IQCM: variants seen among roughly 807,000 people sequenced by gnomAD.
IQCM encodes the protein IQ motif containing M.
IQCM carries 45 observed loss-of-function variants against 57.6 expected under a neutral mutation model. That is an observed-to-expected ratio of 0.78 (90% confidence interval 0.62 to 1.00). The LOEUF is 1.00. Ranked by LOEUF, IQCM falls within the 50% of genes least tolerant of loss-of-function variation. The probability of loss-of-function intolerance (pLI) is 0.00; values close to 1 mark genes in which losing one functional copy is unlikely to be tolerated. For synonymous variants in IQCM, 148 were observed against 158.9 expected (o/e 0.93, Z 0.51); for missense variants, 468 against 511.6 (o/e 0.91, Z 0.82).
chr4:149,469,807 G>A (rs1030024725), intron 12 of IQCM, among the ~76,000 whole-genome samples: 1 of 152,192 alleles, frequency 6.6e-6, no homozygotes, highest in Non-Finnish European at 1.5e-5. Context: ...GAAGAGAGTG[G>A]AGACCAATAT....
At chr4:149,668,888 A>G (rs1228656090) in intron 7 of IQCM, among the ~76,000 whole-genome samples, 2 of 152,138 alleles carry the variant, frequency 1.3e-5, no homozygotes, top group Non-Finnish European at 2.9e-5. Context: ...CTCCAAAGAG[A>G]AAGAGGAGAA....
chr4:149,672,024 C>T (rs983720952), intron 7 of IQCM, among the ~76,000 whole-genome samples: 1 of 152,080 alleles, frequency 6.6e-6, no homozygotes, highest in African/African-American at 2.4e-5. Flanking sequence ...TAGAGTGGAC[C>T]TCCAGCAAAC....
chr4:149,690,321 G>T (rs1762854907), intron 5 of IQCM, among the ~76,000 whole-genome samples: 1 of 151,942 alleles, frequency 6.6e-6, no homozygotes, highest in Non-Finnish European at 1.5e-5. Flanking sequence ...AGTAACTCAG[G>T]AATGGAAAAC....
chr4:149,432,726 A>G (rs966598477), intron 13 of IQCM, among the ~76,000 whole-genome samples: 1 of 152,008 alleles, frequency 6.6e-6, no homozygotes, highest in Admixed American at 6.6e-5. Context: ...ATATTCACAA[A>G]GCATATATAG....
At chr4:149,763,356 T>C (rs1277616132) in intron 2 of IQCM, among the ~76,000 whole-genome samples, 1 of 152,024 alleles carries the variant, frequency 6.6e-6, no homozygotes, top group African/African-American at 2.4e-5. Flanking sequence ...CAGAGTATTA[T>C]TTTTTTGCAT....
chr4:149,613,407 A>T (rs1579701924), intron 8 of IQCM, among the ~76,000 whole-genome samples: 1 of 152,074 alleles, frequency 6.6e-6, no homozygotes, highest in Admixed American at 6.6e-5. Context: ...GAAGAAGAAA[A>T]TCTCCTTCGA....
intron 2 of IQCM, among the ~76,000 whole-genome samples, chr4:149,752,799 G>T (rs1291262641): frequency 3.3e-5 from 5 of 152,144 alleles, no homozygotes; most frequent in African/African-American, 1.2e-4. Flanking sequence ...TCACAGCGAG[G>T]CTCTGCTAAA....
At chr4:149,610,337 A>G (rs1006555921) in intron 8 of IQCM, among the ~76,000 whole-genome samples, 16 of 152,048 alleles carry the variant, frequency 1.1e-4, no homozygotes, top group Non-Finnish European at 1.6e-4. Context: ...AAACATATCA[A>G]AATACCAATG....
chr4:149,453,091 A>G (rs1479750758), intron 12 of IQCM, among the ~76,000 whole-genome samples: 1 of 151,634 alleles, frequency 6.6e-6, no homozygotes, highest in Non-Finnish European at 1.5e-5. Context: ...AGGAAAGAAG[A>G]AACAATTAGA....
chr4:149,565,069 T>C lies in IQCM; in HGVS notation c.750-1179A>G, dbSNP rs58665417. 2.2e-3 allele frequency among the ~76,000 whole-genome samples: 335 copies of C among 152,182 alleles called. 1 individual carries two copies. The highest frequency in any genetic ancestry group is 7.6e-3 in the African/African-American group (315 of 41,540). ...TGCAATTTTTGGCATATAAAAATGC[T>C]TTCTTCTTCTTAATGTTTTTATTTC... is the stretch of plus-strand genomic sequence containing the variant. On this transcript the variant is annotated intron_variant, in intron 9 of 13. Coordinates refer to ENST00000636793, the MANE Select transcript of IQCM (RefSeq NM_001363507.2).
At chr4:149,727,207 T>G (rs939007707) in intron 5 of IQCM, among the ~76,000 whole-genome samples, 4 of 152,200 alleles carry the variant, frequency 2.6e-5, no homozygotes, top group African/African-American at 9.7e-5. Context: ...CTGCACTTAC[T>G]TATAATGGAC....
At chr4:149,674,630 A>G (rs1761593611) in intron 7 of IQCM, among the ~76,000 whole-genome samples, 1 of 151,796 alleles carries the variant, frequency 6.6e-6, no homozygotes, top group African/African-American at 2.4e-5. Flanking sequence ...TCTCCAAAGA[A>G]AAAAACCTTT....
intron 12 of IQCM, among the ~76,000 whole-genome samples, chr4:149,526,332 T>C (rs942567459): frequency 6.6e-6 from 1 of 151,970 alleles, no homozygotes; most frequent in Non-Finnish European, 1.5e-5. Context: ...TGAAACGGGT[T>C]AGAAGATTCT....
chr4:149,516,405 A>G (rs978368132), intron 12 of IQCM, among the ~76,000 whole-genome samples: 5 of 152,168 alleles, frequency 3.3e-5, no homozygotes, highest in Non-Finnish European at 7.3e-5. Flanking sequence ...CACTCACTTT[A>G]CAGCTAAAGA....
chr4:149,474,936 A>G, intron 12 of IQCM, among the ~76,000 whole-genome samples: 1 of 152,024 alleles, frequency 6.6e-6, no homozygotes, highest in East Asian at 1.9e-4. Flanking sequence ...GGAAAGTAAT[A>G]AGAGTTGGAG....
chr4:149,453,803 GTT>G (rs1200776020), intron 12 of IQCM, among the ~76,000 whole-genome samples: 13 of 151,780 alleles, frequency 8.6e-5, no homozygotes, highest in Non-Finnish European at 1.8e-4. Context: ...TTGCATAAGA[GTT>G]TGTCGGTTCT....
intron 2 of IQCM, among the ~76,000 whole-genome samples, chr4:149,762,268 A>G (rs771525538): frequency 2.6e-5 from 4 of 151,980 alleles, no homozygotes; most frequent in African/African-American, 4.8e-5. Context: ...AGGCAGTATT[A>G]TATCTGTCAC....
At chr4:149,429,180 A>C (rs987755469) in intron 13 of IQCM, among the ~76,000 whole-genome samples, 20 of 151,736 alleles carry the variant, frequency 1.3e-4, no homozygotes, top group African/African-American at 4.8e-4. Flanking sequence ...AAGCTTAACG[A>C]AGGAGAGAAA....
chr4:149,439,867 G>A (rs1735740511), intron 12 of IQCM, among the ~76,000 whole-genome samples: 1 of 151,684 alleles, frequency 6.6e-6, no homozygotes, highest in African/African-American at 2.4e-5. Context: ...TAATCCATAA[G>A]ATATTTCTTT....
Sources: gnomAD v4.1 joint callset for allele counts (sites outside exome capture counted in the v4.1 genomes callset) on GRCh38, gnomAD v4.1.1 for gene constraint, MANE v1.5 for transcripts, NCBI Gene and HGNC (gene_info 2026-07-23, HGNC 2026-07-21) for gene names.